NHS: variants seen among roughly 807,000 people sequenced by gnomAD.
NHS encodes the protein NHS actin remodeling regulator, also known as actin remodeling regulator NHS.
Under a neutral mutation model 72.5 loss-of-function variants are expected in NHS, and 5 were observed. The ratio of observed to expected loss-of-function variants is 0.07; its 90% CI spans 0.04 to 0.14. The LOEUF is 0.14. Among genes scored for constraint, NHS ranks in the 10% least tolerant of loss-of-function variants. The pLI, the probability that NHS is intolerant of heterozygous loss-of-function variation, is 1.00. For missense variants in NHS, 1,072 were observed against 1,355.7 expected (o/e 0.79, Z 3.29); for synonymous variants, 464 against 547.7 (o/e 0.85, Z 2.13).
chrX:17,381,139 T>C (rs888417536), intron 1 of NHS, among the ~76,000 whole-genome samples: 1 of 111,314 alleles, frequency 9.0e-6, no homozygotes, highest in Non-Finnish European at 1.9e-5. Flanking sequence ...CTGATGGTCA[T>C]CAATTTGAAG....
Position 17,727,727 on chromosome X carries a change from A to G in NHS, c.3621A>G (p.Ala1207=), listed in dbSNP as rs1323591731. ...DTILSFLDSS[A]VEMGPDKLHL... ...TACTGTCCTTTTTAGACTCTTCTGC[A>G]GTTGAGATGGGACCAGATAAACTAC... The change falls in exon 7 of 9, where the codon GCA becomes GCG. Residue 1207 remains alanine, a synonymous_variant. Coordinates refer to ENST00000676302, the MANE Select transcript of NHS (RefSeq NM_001291867.2). 1 of 1,209,212 alleles carries G rather than the reference A, an allele frequency of 8.3e-7. No individual in the cohort carries two copies. The highest frequency in any genetic ancestry group is 1.1e-6 in the Non-Finnish European group (1 of 894,407).
intron 1 of NHS, among the ~76,000 whole-genome samples, chrX:17,498,504 G>A (rs981049645): frequency 4.5e-5 from 5 of 112,070 alleles, no homozygotes; most frequent in African/African-American, 1.6e-4. Flanking sequence ...GCAGTCAAGA[G>A]GTTGTTGCCA....
intron 1 of NHS, among the ~76,000 whole-genome samples, chrX:17,618,620 A>G (rs1161042760): frequency 8.9e-6 from 1 of 112,306 alleles, no homozygotes; most frequent in African/African-American, 3.2e-5. Flanking sequence ...TTTAATAAAT[A>G]TCCCTTGAAT....
intron 1 of NHS, among the ~76,000 whole-genome samples, chrX:17,463,383 T>TC (rs1295076559): frequency 5.5e-5 from 6 of 109,247 alleles, no homozygotes; most frequent in African/African-American, 1.3e-4. Flanking sequence ...TTTTTTTTTT[T>TC]CCCCCGGAGG....
At position 17,504,060 on chromosome X, in the gene NHS, T is replaced by C. The variant is rs2065046445; in HGVS notation, c.565+127738T>C. Among the ~76,000 whole-genome samples, 3 of 111,809 alleles carry C rather than the reference T, an allele frequency of 2.7e-5. No individual in the cohort carries two copies. The Admixed American group carries it at 2.8e-4, about 11-fold the overall frequency. On this transcript the variant is annotated intron_variant, in intron 1 of 8. Transcript: ENST00000676302. ...TGAACATATTGGAGGAACCTAGTTG[T>C]TCTGCAATTGGGAAACCAATTCAAC...
intron 1 of NHS, among the ~76,000 whole-genome samples, chrX:17,442,574 A>G (rs1398619294): frequency 1.8e-5 from 2 of 112,437 alleles, no homozygotes; most frequent in African/African-American, 3.2e-5. Context: ...CGTTGAGAGA[A>G]TAAATGGATG....
intron 1 of NHS, among the ~76,000 whole-genome samples, chrX:17,433,944 A>G (rs2064707538): frequency 1.8e-5 from 2 of 112,116 alleles, no homozygotes; most frequent in African/African-American, 6.5e-5. Flanking sequence ...ACTCATACCA[A>G]TGTGGGCTAG....
intron 1 of NHS, among the ~76,000 whole-genome samples, chrX:17,394,591 C>A (rs189188362): frequency 8.9e-6 from 1 of 111,771 alleles, no homozygotes; most frequent in African/African-American, 3.2e-5. Flanking sequence ...GAATAAGAGG[C>A]CTTTAAAAAT....
In NHS at chrX:17,727,385, T is replaced by G; in HGVS notation, c.3279T>G (p.Ala1093=). The G allele has an allele frequency of 8.3e-7, 1 of 1,211,093 alleles. No homozygotes were observed. The highest frequency in any genetic ancestry group is 1.1e-6 in the Non-Finnish European group (1 of 894,794). ...CTCCTACCCATCTTGATCTAAGTGCTCTTCATAATGTCTTGAACAAACCAT... is the reference window on the plus strand; with the variant it reads ...CTCCTACCCATCTTGATCTAAGTGCGCTTCATAATGTCTTGAACAAACCAT... The part of the protein sequence containing the change: ...IIPPTHLDLS[A]LHNVLNKPFH... Residue 1093 remains alanine, a synonymous_variant, in exon 7 of 9, where the codon GCT becomes GCG. Coordinates refer to ENST00000676302, the MANE Select transcript of NHS (RefSeq NM_001291867.2).
chrX:17,617,091 C>T (rs764313781), intron 1 of NHS, among the ~76,000 whole-genome samples: 130 of 112,240 alleles, frequency 1.2e-3, no homozygotes, highest in African/African-American at 3.4e-3. Flanking sequence ...GCTGGCTTCC[C>T]GGGACTGTCG....
chrX:17,643,587 G>A (rs1394401318), intron 1 of NHS, among the ~76,000 whole-genome samples: 1 of 111,715 alleles, frequency 9.0e-6, no homozygotes, highest in East Asian at 2.8e-4. Context: ...CTTGGACAAG[G>A]GACAGAGCCA....
At position 17,375,595 on chromosome X, in the gene NHS, G is replaced by A. The variant is rs2064340967; in HGVS notation, c.-163G>A. The A allele has an allele frequency of 2.0e-6, 1 of 490,452 alleles. No homozygotes were observed. Among genetic ancestry groups the A allele is most frequent in the African/African-American group, 2.4e-5 (1 of 41,822 alleles). The allele number at this position is 490,452 out of a possible 1,213,427, so 40.4% of individuals were successfully genotyped here. On this transcript the variant is annotated 5_prime_UTR_variant, in exon 1 of 9. Coordinates refer to ENST00000676302, the MANE Select transcript of NHS (RefSeq NM_001291867.2). ...GACTGATTTGCTAGGGAGAGGGCGG[G>A]GAAGAGGAGGCAAGGTGAGCAGAGA... is the stretch of plus-strand genomic sequence containing the variant.
intron 1 of NHS, among the ~76,000 whole-genome samples, chrX:17,414,788 T>C (rs777699491): frequency 9.0e-5 from 10 of 111,684 alleles, no homozygotes; most frequent in African/African-American, 3.3e-4. Flanking sequence ...AAACGATGAA[T>C]TAGATGAATT....
At chrX:17,525,210 C>A (rs1170536588) in intron 1 of NHS, among the ~76,000 whole-genome samples, 14 of 112,303 alleles carry the variant, frequency 1.2e-4, no homozygotes, top group Non-Finnish European at 1.9e-5. Flanking sequence ...CATATGTTAT[C>A]ATTTATTTTT....
At chrX:17,594,717 GCCCT>G (rs1222353320) in intron 1 of NHS, among the ~76,000 whole-genome samples, 1 of 112,748 alleles carries the variant, frequency 8.9e-6, no homozygotes, top group Non-Finnish European at 1.9e-5. Context: ...TCTTGTGCAC[GCCCT>G]TCATTGAGAG....
At chrX:17,537,514 C>G (rs2065233017) in intron 1 of NHS, among the ~76,000 whole-genome samples, 1 of 112,363 alleles carries the variant, frequency 8.9e-6, no homozygotes, top group Admixed American at 9.4e-5. Flanking sequence ...GCTAACTTCT[C>G]AAAAATCAGA....
intron 1 of NHS, among the ~76,000 whole-genome samples, chrX:17,425,378 T>C (rs2064647474): frequency 9.1e-6 from 1 of 109,497 alleles, no homozygotes; most frequent in East Asian, 2.9e-4. Context: ...GAGGAATTGC[T>C]CCAGACCCTT....
intron 1 of NHS, among the ~76,000 whole-genome samples, chrX:17,644,178 A>G (rs2065895223): frequency 8.9e-6 from 1 of 112,155 alleles, no homozygotes; most frequent in Admixed American, 9.4e-5. Flanking sequence ...GATAACCACA[A>G]AGCTGCCCGG....
chrX:17,544,890 G>C (rs2146954842), intron 1 of NHS, among the ~76,000 whole-genome samples: 1 of 112,557 alleles, frequency 8.9e-6, no homozygotes. Flanking sequence ...AGTCATCCCG[G>C]GCAGATGATC....
Sources: gnomAD v4.1 joint callset for allele counts (sites outside exome capture counted in the v4.1 genomes callset) on GRCh38, gnomAD v4.1.1 for gene constraint, MANE v1.5 for transcripts, NCBI Gene and HGNC (gene_info 2026-07-23, HGNC 2026-07-21) for gene names.